MUTYH: variants seen among roughly 807,000 people sequenced by gnomAD.
The protein encoded by MUTYH is mutY DNA glycosylase, also known as adenine DNA glycosylase.
In MUTYH, 64 loss-of-function variants were observed where a neutral mutation model predicts 72.9. The observed-to-expected ratio is 0.88, with a 90% CI of 0.72 to 1.08. The LOEUF (loss-of-function observed/expected upper bound fraction) is 1.08. MUTYH is among the 50% of genes least tolerant of loss of function. The pLI is 0.00. For synonymous variants in MUTYH, 234 were observed against 263.1 expected (o/e 0.89, Z 1.07); for missense variants, 633 against 671.0 (o/e 0.94, Z 0.63).
chr1:45,329,478 AG>A (rs1644401719), intron 15 of MUTYH, 41 bp from the exon 16 acceptor site: 6 of 1,611,328 alleles, frequency 3.7e-6, no homozygotes, highest in African/African-American at 1.3e-5. Flanking sequence ...TAGTTGGGGG[AG>A]GGGGAGCAGA....
At chr1:45,330,270 A>G (rs2149100021) in intron 15 of MUTYH, among the ~76,000 whole-genome samples, 1 of 147,606 alleles carries the variant, frequency 6.8e-6, no homozygotes, top group East Asian at 2.0e-4. Flanking sequence ...TGGCTCCACA[A>G]TTCATATCCC....
upstream of MUTYH, chr1:45,340,019 G>A: frequency 9.7e-6 from 15 of 1,540,422 alleles, no homozygotes; most frequent in Non-Finnish European, 1.3e-5. Flanking sequence ...CGCACTCCAG[G>A]GGGCGTGGCT....
At chr1:45,340,084 G>T, upstream of MUTYH, 1 of 1,546,208 alleles carries the variant, frequency 6.5e-7, no homozygotes, top group East Asian at 2.4e-5. Flanking sequence ...ATTAGCGCGC[G>T]CCAGGCTGCC....
chr1:45,337,312 C>A (rs1646043407), intron 1 of MUTYH, among the ~76,000 whole-genome samples: 2 of 151,734 alleles, frequency 1.3e-5, no homozygotes, highest in South Asian at 4.2e-4. Flanking sequence ...ACACCACCAC[C>A]ACATCCAGCT....
At chr1:45,330,604 A>T in intron 14 of MUTYH, 47 bp from the exon 15 acceptor site, 1 of 1,574,660 alleles carries the variant, frequency 6.4e-7, no homozygotes, top group Non-Finnish European at 8.6e-7. Context: ...TTTGCAAAAG[A>T]GATAAACCGG....
In MUTYH at chr1:45,331,287, C is replaced by T. The variant is rs1553125186; in HGVS notation, c.1287G>A (p.Gly429=). The T allele has an allele frequency of 1.2e-6, 2 of 1,614,182 alleles. No homozygotes were observed. The highest frequency in any genetic ancestry group is 1.6e-4 in the Middle Eastern group (1 of 6,062). ...SHIKLTYQVY[G]LALEGQTPVT... is the part of the protein sequence containing the mutation. ...CTGGGGTCTGCCCTTCCAAGGCCAG[C>T]CCATATACTTGATATGTCAGCTTGA... is the stretch of plus-strand genomic sequence containing the variant. Residue 429 remains glycine, a synonymous_variant, in exon 14 of 16, where the codon GGG becomes GGA. Coordinates refer to ENST00000456914, the MANE Select transcript of MUTYH (RefSeq NM_001048174.2).
Position 45,331,483 on chromosome 1 carries a change from C to G in MUTYH, c.1176G>C (p.Leu392=), listed in dbSNP as rs747498831. The G allele has an allele frequency of 1.9e-6, 3 of 1,614,184 alleles. No homozygotes were observed. The highest frequency in any genetic ancestry group is 2.2e-5 in the South Asian group (2 of 91,088). Residue 392 remains leucine, a synonymous_variant, in exon 13 of 16, where the codon CTG becomes CTC. Transcript: ENST00000456914. ...EPSEQLQRKA[L]LQELQRWAGP... ...CAGCCCAACGCTGTAGTTCCTGCAG[C>G]AGGGCCTTGCGCTGAAGCTGCTCTG...
At chr1:45,340,154 C>T (rs1246360154), upstream of MUTYH, 5 of 1,594,310 alleles carry the variant, frequency 3.1e-6, no homozygotes, top group Non-Finnish European at 4.3e-6. Context: ...GACCCGACGG[C>T]GAGACCCCGC....
intron 1 of MUTYH, among the ~76,000 whole-genome samples, chr1:45,339,364 C>A (rs537812765): frequency 6.6e-6 from 1 of 151,862 alleles, no homozygotes; most frequent in African/African-American, 2.4e-5. Flanking sequence ...GGCGCCCGCA[C>A]CATACCCAGC....
chr1:45,333,968 C>T (rs1645459871), intron 2 of MUTYH: 1 of 375,880 alleles, frequency 2.7e-6, no homozygotes, highest in Non-Finnish European at 5.0e-6. Context: ...GCAATTGTCC[C>T]AATGTCACAC....
chr1:45,332,061 G>A lies in MUTYH; in HGVS notation c.875C>T (p.Ser292Leu), dbSNP rs1553127397. ...QRVEQEQLLA[S>L]GSLSGSPDVE... ...GTCAGGACTGCCCGACAGGCTCCCT[G>A]AGGCTAAGAGCTGTTCCTGCTCCAC... Residue 292 changes from serine to leucine, a missense_variant, in exon 11 of 16, where the codon TCA becomes TTA. Ser to Leu is a moderately radical substitution (Grantham distance 145). Transcript: ENST00000456914. The A allele has an allele frequency of 6.2e-7, 1 of 1,614,226 alleles. No individual in the cohort carries two copies. The highest frequency in any genetic ancestry group is 8.5e-7 in the Non-Finnish European group (1 of 1,180,026).
Position 45,329,338 on chromosome 1 carries a change from C to T in MUTYH, c.1534G>A (p.Asp512Asn), listed in dbSNP as rs1439243449. 1.1e-5 allele frequency: 18 copies of T among 1,614,182 alleles called. No individual in the cohort carries two copies. The South Asian group carries it at 1.9e-4, about 17-fold the overall frequency. Residue 512 changes from aspartate to asparagine, a missense_variant, in exon 16 of 16, where the codon GAT becomes AAT. Transcript: ENST00000456914. ...DNFFRSHIST[D>N]AHSLNSAAQ ...GCTGCACTGTTGAGGCTGTGTGCAT[C>T]AGTGGAGATGTGAGACCGAAAGAAA... is the stretch of plus-strand genomic sequence containing the variant.
At chr1:45,332,120 A>G in intron 10 of MUTYH, 34 bp from the exon 11 acceptor site, 1 of 1,614,148 alleles carries the variant, frequency 6.2e-7, no homozygotes, top group Non-Finnish European at 8.5e-7. Context: ...CATAGGGCAG[A>G]GTCACTCCTT....
In MUTYH at chr1:45,332,589, A is replaced by G. The variant is rs1645132367; in HGVS notation, c.591T>C (p.Ser197=). The G allele has an allele frequency of 6.2e-7, 1 of 1,614,166 alleles. No individual in the cohort carries two copies. The highest frequency in any genetic ancestry group is 8.5e-7 in the Non-Finnish European group (1 of 1,180,022). ...VGRYTAGAIA[S]IAFGQATGVV... is the part of the protein sequence containing the mutation. ...GTGAGATCACCTGGCCAAAGGCGAT[A>G]GAGGCAATGGCCCCAGCTGTGTAGC... The change falls in exon 8 of 16, where the codon TCT becomes TCC. Residue 197 remains serine (S), a synonymous_variant. Transcript: ENST00000456914.
Position 45,330,492 on chromosome 1 carries a change from T to C in MUTYH, c.1434+24A>G, listed in dbSNP as rs373916249. The stretch of plus-strand genomic sequence containing the variant: ...TGGACTCAGGCCTGGGGAGACACGG[T>C]TGGGAGAGGCCTAGGAGACTTACCA... On this transcript the variant is annotated intron_variant, in intron 15 of 15. Transcript: ENST00000456914. 4 of 1,604,562 alleles carry C rather than the reference T, an allele frequency of 2.5e-6. No homozygotes were observed. In the African/African-American group the frequency reaches 4.0e-5, roughly 16 times the overall value.
At position 45,339,933 on chromosome 1, in the gene MUTYH, G is replaced by C. The variant is rs549470824; in HGVS notation, c.-41C>G. ...ACGCTGATGAAGACAGCAGAACACG[G>C]AGGCCCCGCGTTCCCGCCGCGAGAG... On this transcript the variant is annotated 5_prime_UTR_variant, in exon 1 of 16. Coordinates refer to ENST00000456914, the MANE Select transcript of MUTYH (RefSeq NM_001048174.2). 7 of 1,465,000 alleles carry C rather than the reference G, an allele frequency of 4.8e-6. No homozygotes were observed. The East Asian group carries it at 2.1e-4, about 44-fold the overall frequency. 90.8% of individuals were successfully genotyped at this position (1,465,000 alleles called of 1,614,324 possible).
chr1:45,331,262 C>G lies in MUTYH; in HGVS notation c.1312G>C (p.Val438Leu). Residue 438 changes from valine to leucine, a missense_variant, in exon 14 of 16, where the codon GTG becomes CTG. Physicochemically the swap from Val to Leu is conservative, Grantham distance 32 (BLOSUM62 1). Coordinates refer to ENST00000456914, the MANE Select transcript of MUTYH (RefSeq NM_001048174.2). Reference protein sequence around the residue: ...YGLALEGQTPVTTVPPGARWL... With the variant: ...YGLALEGQTPLTTVPPGARWL... The stretch of plus-strand genomic sequence containing the variant: ...CGAGCACCTGGTGGTACGGTGGTCA[C>G]TGGGGTCTGCCCTTCCAAGGCCAGC... 1 of 1,614,196 alleles carries G rather than the reference C, an allele frequency of 6.2e-7. No homozygotes were observed. The highest frequency in any genetic ancestry group is 8.5e-7 in the Non-Finnish European group (1 of 1,180,038).
chr1:45,331,209 G>A lies in MUTYH; in HGVS notation c.1365C>T (p.Thr455=), dbSNP rs150269172. ...ARWLTQEEFH[T]AAVSTAMKKV... ...TTTTCATGGCGGTGGAAACAGCTGC[G>A]GTGTGAAATTCCTCCTGCGTCAGCC... The change falls in exon 14 of 16, where the codon ACC becomes ACT. Residue 455 remains threonine (T), a synonymous_variant. Transcript: ENST00000456914. 1.2e-3 allele frequency: 2,017 copies of A among 1,614,192 alleles called. 42 individuals are homozygous for A. The South Asian group carries it at 0.019, about 15-fold the overall frequency.
At chr1:45,333,683 G>T in intron 2 of MUTYH, 122 bp from the exon 3 acceptor site, 2 of 1,417,948 alleles carry the variant, frequency 1.4e-6, no homozygotes, top group South Asian at 2.8e-5. Flanking sequence ...ACCCCCTTAA[G>T]CTTTGGAGCT....
Sources: allele counts gnomAD v4.1 joint callset (sites outside exome capture counted in the v4.1 genomes callset), GRCh38; gene constraint gnomAD v4.1.1; transcripts MANE v1.5; gene names NCBI Gene and HGNC (gene_info 2026-07-23, HGNC 2026-07-21).